The following CNTNAP2 variants were observed in gnomAD, a reference collection of about 807,000 sequenced individuals.
CNTNAP2 encodes contactin associated protein 2.
CNTNAP2 carries 98 observed loss-of-function variants against 155.2 expected under a neutral mutation model. The observed-to-expected ratio is 0.63, with a 90% CI of 0.54 to 0.75. The LOEUF is 0.75. Among genes scored for constraint, CNTNAP2 ranks in the 30% least tolerant of loss-of-function variants. The pLI is 0.00. For missense variants in CNTNAP2, 1,727 were observed against 1,688.1 expected, an observed-to-expected ratio of 1.02 and a Z score of -0.40; for synonymous variants, 651 against 631.2, an observed-to-expected ratio of 1.03 and a Z score of -0.47.
At chr7:146,255,609 A>G (rs143418246) in intron 1 of CNTNAP2, among the ~76,000 whole-genome samples, 15 of 152,356 alleles carry the variant, frequency 9.8e-5, no homozygotes, top group African/African-American at 2.9e-4. Flanking sequence ...GAAGGCATCT[A>G]GGATATTTGT....
chr7:147,207,955 T>TA (rs2116564881), intron 8 of CNTNAP2, among the ~76,000 whole-genome samples: 1 of 152,298 alleles, frequency 6.6e-6, no homozygotes, highest in Admixed American at 6.5e-5. Flanking sequence ...ATATCATCTG[T>TA]AATCATCTTT....
intron 2 of CNTNAP2, among the ~76,000 whole-genome samples, chr7:146,817,515 AAG>A (rs1308908364): frequency 6.6e-6 from 1 of 152,084 alleles, no homozygotes; most frequent in Admixed American, 6.6e-5. Flanking sequence ...ATAAAATAAA[AAG>A]AGGTTTTATT....
intron 9 of CNTNAP2, among the ~76,000 whole-genome samples, chr7:147,325,697 A>G (rs1013353737): frequency 1.3e-5 from 2 of 152,232 alleles, no homozygotes; most frequent in Admixed American, 1.3e-4. Context: ...AATACACAGA[A>G]TGTAATGTTT....
At chr7:147,781,122 A>T (rs77738779) in intron 13 of CNTNAP2, among the ~76,000 whole-genome samples, 2,029 of 152,362 alleles carry the variant, frequency 0.013, 103 homozygotes, top group Admixed American at 0.089. Flanking sequence ...AATGGCAAAA[A>T]GGAAATAATG....
At chr7:148,281,646 T>G (rs1563023833) in intron 21 of CNTNAP2, among the ~76,000 whole-genome samples, 2 of 152,222 alleles carry the variant, frequency 1.3e-5, no homozygotes, top group African/African-American at 2.4e-5. Flanking sequence ...GGCTTCTCAT[T>G]CTTTTTTAAT....
chr7:148,032,712 G>A (rs2189882), intron 15 of CNTNAP2, among the ~76,000 whole-genome samples: 49,695 of 151,930 alleles, frequency 0.33, 9,712 homozygotes, highest in East Asian at 0.77. Flanking sequence ...GCCCTTGGGC[G>A]CTAAGCAGAA....
intron 21 of CNTNAP2, among the ~76,000 whole-genome samples, chr7:148,284,516 T>A (rs373103466): frequency 6.6e-6 from 1 of 151,178 alleles, no homozygotes; most frequent in Admixed American, 6.6e-5. Flanking sequence ...GAAAACAGAC[T>A]AATACATGGA....
At chr7:146,860,561 T>A (rs1795077487) in intron 3 of CNTNAP2, among the ~76,000 whole-genome samples, 1 of 152,150 alleles carries the variant, frequency 6.6e-6, no homozygotes. Context: ...AGGGACATAT[T>A]TATCTGAAAG....
intron 1 of CNTNAP2, among the ~76,000 whole-genome samples, chr7:146,355,720 CATTTT>C: frequency 6.6e-6 from 1 of 152,182 alleles, no homozygotes; most frequent in Non-Finnish European, 1.5e-5. Flanking sequence ...AATATCATTT[CATTTT>C]ATTATGATGA....
intron 22 of CNTNAP2, among the ~76,000 whole-genome samples, chr7:148,384,423 G>A (rs1799144858): frequency 6.6e-6 from 1 of 152,188 alleles, no homozygotes; most frequent in African/African-American, 2.4e-5. Context: ...TGAAAGCACA[G>A]GGCTCAAATG....
intron 3 of CNTNAP2, among the ~76,000 whole-genome samples, chr7:146,918,447 T>C (rs1197534222): frequency 6.6e-6 from 1 of 152,176 alleles, no homozygotes; most frequent in Non-Finnish European, 1.5e-5. Flanking sequence ...GAAGCTTAGT[T>C]TCACTAGATA....
At chr7:148,375,312 AAT>A (rs1184154182) in intron 21 of CNTNAP2, among the ~76,000 whole-genome samples, 1 of 147,902 alleles carries the variant, frequency 6.8e-6, no homozygotes, top group African/African-American at 2.5e-5. Flanking sequence ...ATAAACTATA[AAT>A]ATAAAATATA....
chr7:147,193,930 A>G (rs901557060), intron 8 of CNTNAP2, among the ~76,000 whole-genome samples: 1 of 152,108 alleles, frequency 6.6e-6, no homozygotes, highest in African/African-American at 2.4e-5. Context: ...GAAGGAATGA[A>G]TGCCAATAAT....
At chr7:147,024,677 G>A (rs1426397110) in intron 3 of CNTNAP2, among the ~76,000 whole-genome samples, 1 of 152,170 alleles carries the variant, frequency 6.6e-6, no homozygotes, top group Non-Finnish European at 1.5e-5. Context: ...ATACCTCAGA[G>A]TTGATTTTTT....
At chr7:147,461,590 T>C (rs759086177) in intron 10 of CNTNAP2, among the ~76,000 whole-genome samples, 2 of 152,202 alleles carry the variant, frequency 1.3e-5, no homozygotes, top group African/African-American at 2.4e-5. Flanking sequence ...ATTATTTTCA[T>C]GTGAGATGAA....
chr7:146,422,837 C>T (rs1474084003), intron 1 of CNTNAP2, among the ~76,000 whole-genome samples: 1 of 151,922 alleles, frequency 6.6e-6, no homozygotes, highest in Non-Finnish European at 1.5e-5. Context: ...AAAAGAGAAG[C>T]TAGTTTACTT....
At position 146,252,153 on chromosome 7, in the gene CNTNAP2, A is replaced by G. The variant is rs886361184; in HGVS notation, c.97+135180A>G. On this transcript the variant is annotated intron_variant, in intron 1 of 23. Coordinates refer to ENST00000361727, the MANE Select transcript of CNTNAP2 (RefSeq NM_014141.6). ...ATAATCACATTGAAACCTTTTGCTT[A>G]ATCATACCAATGTCATGGCTGCTCA... Among the ~76,000 whole-genome samples the G allele has an allele frequency of 3.3e-5, 5 of 152,166 alleles. No homozygotes were observed. The East Asian group carries it at 9.6e-4, about 29-fold the overall frequency.
rs1803352144 is a variant in CNTNAP2, at chr7:147,219,800, G to A, written c.1349-80341G>A. On this transcript the variant is annotated intron_variant, in intron 8 of 23. Transcript: ENST00000361727. ...TCATCACTTTTTTTGTTGTTGTTGA[G>A]ACGGACTCTCTGTCGCCCAGGCTGG... 3.9e-5 allele frequency among the ~76,000 whole-genome samples: 6 copies of A among 152,082 alleles called. No homozygotes were observed. The South Asian group carries it at 1.2e-3, about 32-fold the overall frequency.
intron 15 of CNTNAP2, among the ~76,000 whole-genome samples, chr7:148,017,911 G>A (rs1802208062): frequency 6.6e-6 from 1 of 152,204 alleles, no homozygotes; most frequent in South Asian, 2.1e-4. Flanking sequence ...AATGGTAATG[G>A]CTTAAGCCTT....
Sources: gnomAD v4.1 joint callset for allele counts (sites outside exome capture counted in the v4.1 genomes callset) on GRCh38, gnomAD v4.1.1 for gene constraint, MANE v1.5 for transcripts, NCBI Gene and HGNC (gene_info 2026-07-23, HGNC 2026-07-21) for gene names.